The following MAK16 variants were observed in gnomAD, a reference collection of about 807,000 sequenced individuals.
MAK16 encodes protein MAK16 homolog.
A neutral mutation model predicts 49.9 loss-of-function variants in MAK16; 12 were observed. The observed-to-expected ratio is 0.24, with a 90% CI of 0.15 to 0.39. The LOEUF (loss-of-function observed/expected upper bound fraction) is 0.39. Ranked by LOEUF, MAK16 falls within the 10% of genes least tolerant of loss-of-function variation. MAK16 has a pLI of 1.00. For missense variants in MAK16, 292 were observed against 363.7 expected (o/e 0.80, Z 1.60); for synonymous variants, 115 against 126.4 (o/e 0.91, Z 0.60).
Position 33,499,053 on chromosome 8 carries a change from GA to G in MAK16, c.*429del. ...TGGAGGTAAAAGGAAAGGAAGGAAG[GA>G]AAAAGCAGCTTTCACTTACAAAGTT... is the stretch of plus-strand genomic sequence containing the variant. On this transcript the variant is annotated 3_prime_UTR_variant, in exon 10 of 10. Transcript: ENST00000360128. The G allele has an allele frequency of 1.2e-6, 1 of 847,520 alleles. No homozygotes were observed. The highest frequency in any genetic ancestry group is 1.9e-6 in the Non-Finnish European group (1 of 514,372). The allele number at this position is 847,520 out of a possible 1,614,324, so 52.5% of individuals were successfully genotyped here. A position where few individuals can be genotyped will look rare whatever the true frequency, so the allele number is the denominator to read the frequency against.
At chr8:33,485,990 T>C (rs1301336823) in intron 1 of MAK16, among the ~76,000 whole-genome samples, 1 of 152,098 alleles carries the variant, frequency 6.6e-6, no homozygotes, top group East Asian at 1.9e-4. Context: ...AGCCAGTCAC[T>C]GAGGAGCTGA....
chr8:33,498,563 A>T lies in MAK16; in HGVS notation c.837A>T (p.Lys279Asn). The T allele has an allele frequency of 6.2e-7, 1 of 1,614,112 alleles. No individual in the cohort carries two copies. The highest frequency in any genetic ancestry group is 1.1e-5 in the South Asian group (1 of 91,074). ...KMPLRGPLQRKRAYVEIEYEQ... is the reference protein window; with the variant it reads ...KMPLRGPLQRNRAYVEIEYEQ... ...CCTTGAGAGGACCACTGCAGAGAAAACGAGCCTATGTGGAAATAGAATACG... is the reference window on the plus strand; with the variant it reads ...CCTTGAGAGGACCACTGCAGAGAAATCGAGCCTATGTGGAAATAGAATACG... The change falls in exon 10 of 10, where the codon AAA becomes AAT. Residue 279 changes from lysine (K) to asparagine (N), a missense_variant. Lys to Asn is a moderately conservative substitution (Grantham distance 94, BLOSUM62 0). Transcript: ENST00000360128.
chr8:33,492,867 T>G (rs181938797), intron 6 of MAK16, among the ~76,000 whole-genome samples: 1,634 of 152,218 alleles, frequency 0.011, 13 homozygotes, highest in Admixed American at 0.015. Context: ...TTTTGTTGTT[T>G]TTTTTTGTTT....
At chr8:33,498,351 CT>C in intron 9 of MAK16, 80 bp from the exon 10 acceptor site, 1 of 1,223,668 alleles carries the variant, frequency 8.2e-7, no homozygotes, top group East Asian at 2.5e-5. Flanking sequence ...CTAGTCTGTT[CT>C]AGATTGAGGG....
At chr8:33,490,197 C>A in intron 5 of MAK16, 88 bp from the exon 6 acceptor site, 1 of 1,096,526 alleles carries the variant, frequency 9.1e-7, no homozygotes, top group Non-Finnish European at 1.4e-6. Flanking sequence ...CCATTTTAGT[C>A]ACCAATTCCA....
At chr8:33,491,462 G>A (rs957292423) in intron 6 of MAK16, among the ~76,000 whole-genome samples, 1 of 152,100 alleles carries the variant, frequency 6.6e-6, no homozygotes, top group Non-Finnish European at 1.5e-5. Flanking sequence ...TCTTTTAAAA[G>A]ATAAAAGCCA....
At chr8:33,496,149 T>G (rs1472962057) in intron 7 of MAK16, among the ~76,000 whole-genome samples, 1 of 152,126 alleles carries the variant, frequency 6.6e-6, no homozygotes, top group Non-Finnish European at 1.5e-5. Flanking sequence ...TATTCTCAGC[T>G]CCATTCCCCA....
Position 33,500,174 on chromosome 8 carries a change from C to T in MAK16, c.*1545C>T, listed in dbSNP as rs1381982335. On this transcript the variant is annotated 3_prime_UTR_variant, in exon 10 of 10. Transcript: ENST00000360128. ...AAGATGAATAAGAAAAAAGATCAAG[C>T]TCTTTTGAGGCTAGAGGGCTCATAT... 4 of 755,152 alleles carry T rather than the reference C, an allele frequency of 5.3e-6. No homozygotes were observed. The highest frequency in any genetic ancestry group is 1.8e-5 in the African/African-American group (1 of 56,310). The allele number at this position is 755,152 out of a possible 1,614,324, so 46.8% of individuals were successfully genotyped here.
chr8:33,495,781 A>G (rs1159436900), intron 7 of MAK16, among the ~76,000 whole-genome samples, 165 bp downstream of exon 7: 1 of 126,618 alleles, frequency 7.9e-6, no homozygotes, highest in African/African-American at 3.0e-5. Flanking sequence ...CAGTGGTGCA[A>G]TCTCGGCTCA....
chr8:33,493,203 G>A (rs1808804353), intron 6 of MAK16, among the ~76,000 whole-genome samples: 1 of 152,078 alleles, frequency 6.6e-6, no homozygotes, highest in Non-Finnish European at 1.5e-5. Context: ...TCTCAGGCTG[G>A]AATGCAGTGG....
At chr8:33,494,475 G>T (rs1281349641) in intron 6 of MAK16, among the ~76,000 whole-genome samples, 1 of 152,092 alleles carries the variant, frequency 6.6e-6, no homozygotes, top group Non-Finnish European at 1.5e-5. Context: ...CTATGAATCC[G>T]CTTAACTAAG....
intron 6 of MAK16, among the ~76,000 whole-genome samples, chr8:33,491,270 A>C (rs1368751765): frequency 6.6e-6 from 1 of 152,186 alleles, no homozygotes; most frequent in Non-Finnish European, 1.5e-5. Flanking sequence ...CCTTTGATAC[A>C]CTAATTTCCT....
At chr8:33,494,972 A>G (rs968690293) in intron 6 of MAK16, among the ~76,000 whole-genome samples, 1 of 152,104 alleles carries the variant, frequency 6.6e-6, no homozygotes, top group Non-Finnish European at 1.5e-5. Context: ...ACACAGTTTT[A>G]CGTAATCATT....
rs767996468 is a variant in MAK16, at chr8:33,499,213, A to G, written c.*584A>G. On this transcript the variant is annotated 3_prime_UTR_variant, in exon 10 of 10. Transcript: ENST00000360128. ...GGGTGCGCCTTCAGAAACCTGCTGCACTTTTCTGATATAGTTCACCACTTT... is the reference window on the plus strand; with the variant it reads ...GGGTGCGCCTTCAGAAACCTGCTGCGCTTTTCTGATATAGTTCACCACTTT... 6.2e-7 allele frequency: 1 copy of G among 1,614,112 alleles called. No individual in the cohort carries two copies.
rs542246825 is a variant in MAK16, at chr8:33,500,771, T to A, written c.*2142T>A. On this transcript the variant is annotated 3_prime_UTR_variant, in exon 10 of 10. Coordinates refer to ENST00000360128, the MANE Select transcript of MAK16 (RefSeq NM_032509.4). ...TCTACTGTAAGCAACAGCTCCTTCATGGGCTGAGAAGGGGAAACCAGGATC... is the reference window on the plus strand; with the variant it reads ...TCTACTGTAAGCAACAGCTCCTTCAAGGGCTGAGAAGGGGAAACCAGGATC... 98 of 348,712 alleles carry A rather than the reference T, an allele frequency of 2.8e-4. No homozygotes were observed. Among genetic ancestry groups the A allele is most frequent in the Middle Eastern group, 9.2e-4 (1 of 1,086 alleles). The allele number at this position is 348,712 out of a possible 1,614,324, so 21.6% of individuals were successfully genotyped here.
At chr8:33,492,572 A>G (rs1241759357) in intron 6 of MAK16, among the ~76,000 whole-genome samples, 2 of 152,186 alleles carry the variant, frequency 1.3e-5, no homozygotes, top group South Asian at 2.1e-4. Flanking sequence ...TGATTTTTGT[A>G]TATAGCACAA....
In MAK16 at chr8:33,498,873, A is replaced by G; in HGVS notation, c.*244A>G. 1.7e-6 allele frequency: 1 copy of G among 583,436 alleles called. No individual in the cohort carries two copies. The highest frequency in any genetic ancestry group is 3.0e-6 in the Non-Finnish European group (1 of 331,880). 36.1% of individuals were successfully genotyped at this position (583,436 alleles called of 1,614,324 possible). ...TGAAGTAACAGCTTGTGCCCGAGAA[A>G]CTTAACAGATGAGTTCTTGAATCTG... On this transcript the variant is annotated 3_prime_UTR_variant, in exon 10 of 10. Transcript: ENST00000360128.
At chr8:33,491,475 T>C (rs912922135) in intron 6 of MAK16, among the ~76,000 whole-genome samples, 8 of 152,214 alleles carry the variant, frequency 5.3e-5, no homozygotes, top group African/African-American at 1.4e-4. Flanking sequence ...AAAAGCCATT[T>C]TAACTGGGGT....
rs1808986402 is a variant in MAK16 at position 33,499,534 on chromosome 8, G to A, written c.*905G>A. The A allele has an allele frequency of 2.6e-6, 1 of 386,154 alleles. No homozygotes were observed. Among genetic ancestry groups the A allele is most frequent in the Admixed American group, 4.1e-5 (1 of 24,236 alleles). 23.9% of individuals were successfully genotyped at this position (386,154 alleles called of 1,614,324 possible). A position where few individuals can be genotyped will look rare whatever the true frequency, so the allele number is the denominator to read the frequency against. On this transcript the variant is annotated 3_prime_UTR_variant, in exon 10 of 10. Coordinates refer to ENST00000360128, the MANE Select transcript of MAK16 (RefSeq NM_032509.4). Reference sequence around the variant, plus strand: ...TCTCCTGCTGGCTCATGAAACAGCAGAATTCCAGCCAAGGCAAATTCAGTT... The same window carrying A: ...TCTCCTGCTGGCTCATGAAACAGCAAAATTCCAGCCAAGGCAAATTCAGTT...
Sources: allele counts gnomAD v4.1 joint callset (sites outside exome capture counted in the v4.1 genomes callset), GRCh38; gene constraint gnomAD v4.1.1; transcripts MANE v1.5; gene names NCBI Gene and HGNC (gene_info 2026-07-23, HGNC 2026-07-21).